TENM2: variants seen among roughly 807,000 people sequenced by gnomAD.
TENM2 encodes the protein teneurin transmembrane protein 2.
In TENM2, 52 loss-of-function variants were observed where a neutral mutation model predicts 245.2. The ratio of observed to expected loss-of-function variants is 0.21; its 90% CI spans 0.17 to 0.27. The LOEUF is 0.27. Among genes scored for constraint, TENM2 ranks in the 10% least tolerant of loss-of-function variants. The pLI is 1.00. For synonymous variants in TENM2, 1,363 were observed against 1,438.9 expected (o/e 0.95, Z 1.19); for missense variants, 3,046 against 3,666.8 (o/e 0.83, Z 4.37).
chr5:167,862,119 C>T (rs767504705), intron 2 of TENM2, among the ~76,000 whole-genome samples: 1 of 152,158 alleles, frequency 6.6e-6, no homozygotes, highest in Non-Finnish European at 1.5e-5. Context: ...AGGCAGGATG[C>T]ACTGCAGGTC....
chr5:167,986,019 C>G (rs1377731593), intron 4 of TENM2, among the ~76,000 whole-genome samples: 1 of 152,156 alleles, frequency 6.6e-6, no homozygotes, highest in Non-Finnish European at 1.5e-5. Context: ...GGTGGGGGCT[C>G]TTGTTGCATG....
chr5:168,178,267 G>A (rs185442743), intron 13 of TENM2, among the ~76,000 whole-genome samples: 9 of 152,342 alleles, frequency 5.9e-5, no homozygotes, highest in East Asian at 3.9e-4. Flanking sequence ...TGCACTGGCC[G>A]TCGGCTCAGT....
exon 14 of TENM2, chr5:168,190,531 A>G: frequency 3.7e-6 from 6 of 1,613,828 alleles, no homozygotes; most frequent in Non-Finnish European, 5.1e-6. Context: ...TCCTGGAGAG[A>G]ACCCTTTCAA....
the TENM2 span, among the ~76,000 whole-genome samples, chr5:167,145,382 CTA>C: frequency 1.3e-5 from 2 of 152,156 alleles, no homozygotes; most frequent in Non-Finnish European, 2.9e-5. Flanking sequence ...CGAGATGCCA[CTA>C]CCAGCTTCAC....
the TENM2 span, among the ~76,000 whole-genome samples, chr5:167,225,718 T>C: frequency 6.6e-6 from 1 of 152,048 alleles, no homozygotes; most frequent in Non-Finnish European, 1.5e-5. Context: ...TAAATTTTTT[T>C]GAATAGTTTG....
At chr5:167,975,855 C>T (rs1782400051) in intron 4 of TENM2, among the ~76,000 whole-genome samples, 1 of 151,250 alleles carries the variant, frequency 6.6e-6, no homozygotes, top group Admixed American at 6.6e-5. Flanking sequence ...GCAACAGTGC[C>T]CCAAACTTAA....
At chr5:167,865,280 TTTTA>T (rs1292042373) in intron 2 of TENM2, among the ~76,000 whole-genome samples, 2 of 152,136 alleles carry the variant, frequency 1.3e-5, no homozygotes, top group Non-Finnish European at 2.9e-5. Flanking sequence ...TCTCTCTCTC[TTTTA>T]TTTATTTATT....
chr5:167,318,139 C>T (rs1461549520), intron 1 of TENM2, among the ~76,000 whole-genome samples: 2 of 152,128 alleles, frequency 1.3e-5, no homozygotes, highest in Non-Finnish European at 2.9e-5. Flanking sequence ...CAGTGTAGTT[C>T]TACAGTGTAT....
intron 5 of TENM2, among the ~76,000 whole-genome samples, chr5:168,022,225 G>A (rs889343821): frequency 5.9e-5 from 9 of 152,228 alleles, no homozygotes; most frequent in African/African-American, 1.7e-4. Flanking sequence ...AAGAGCAGCC[G>A]GGAGCTCCGC....
intron 2 of TENM2, among the ~76,000 whole-genome samples, chr5:167,738,687 G>A (rs1046393374): frequency 1.3e-4 from 20 of 152,064 alleles, no homozygotes; most frequent in African/African-American, 4.6e-4. Context: ...GTCCAAGATC[G>A]AGGTGTCAGC....
the TENM2 span, among the ~76,000 whole-genome samples, chr5:167,048,001 A>G: frequency 1.3e-5 from 2 of 152,204 alleles, no homozygotes; most frequent in African/African-American, 2.4e-5. Context: ...CTTTTTGTGT[A>G]AAACATATTG....
intron 2 of TENM2, among the ~76,000 whole-genome samples, chr5:167,612,086 A>G (rs1777511608): frequency 6.6e-6 from 1 of 152,158 alleles, no homozygotes. Flanking sequence ...TCACAAAGTC[A>G]TGTGCAAGGT....
At chr5:167,220,917 C>G in the TENM2 span, among the ~76,000 whole-genome samples, 1 of 151,978 alleles carries the variant, frequency 6.6e-6, no homozygotes, top group Non-Finnish European at 1.5e-5. Flanking sequence ...ACCTCCGCCT[C>G]CTGGGTTCAA....
chr5:168,081,948 T>A (rs1015584752), intron 7 of TENM2, among the ~76,000 whole-genome samples: 15 of 152,252 alleles, frequency 9.9e-5, no homozygotes, highest in Admixed American at 6.5e-5. Context: ...TGTGGCATTC[T>A]CTTCATTTCC....
rs536459118 is a variant in TENM2 at position 167,353,032 on chromosome 5, C to T, written c.227-22166C>T. ...ATCTCAAAGCGGCGCATAACGACTCCTCGGCTTTTCATTTCATATTTATGA... is the reference window on the plus strand; with the variant it reads ...ATCTCAAAGCGGCGCATAACGACTCTTCGGCTTTTCATTTCATATTTATGA... On this transcript the variant is annotated intron_variant, in intron 1 of 28. Coordinates refer to ENST00000518659, the Ensembl canonical transcript of TENM2. 2.6e-5 allele frequency among the ~76,000 whole-genome samples: 4 copies of T among 152,220 alleles called. No homozygotes were observed. The East Asian group carries it at 5.8e-4, about 22-fold the overall frequency.
rs550516705 is a variant in TENM2, at chr5:167,668,092, G to A, written c.503-207894G>A. Among the ~76,000 whole-genome samples the A allele has an allele frequency of 2.2e-4, 34 of 152,190 alleles. No homozygotes were observed. The South Asian group carries it at 6.7e-3, about 30-fold the overall frequency. On this transcript the variant is annotated intron_variant, in intron 2 of 28. Coordinates refer to ENST00000518659, the Ensembl canonical transcript of TENM2. ...TCCCCAACAAAGAAAATATAATCTG[G>A]TGTTCTCACCTTTGAAAATCTCCTC...
chr5:167,244,519 C>T, the TENM2 span, among the ~76,000 whole-genome samples: 3 of 152,148 alleles, frequency 2.0e-5, no homozygotes, highest in African/African-American at 7.2e-5. Flanking sequence ...AGAAATATAG[C>T]TGTGTTCCTG....
intron 1 of TENM2, among the ~76,000 whole-genome samples, chr5:167,300,971 C>T (rs1159162203): frequency 2.6e-5 from 4 of 151,984 alleles, no homozygotes; most frequent in Admixed American, 6.6e-5. Context: ...GAAGCCTGGC[C>T]GTCAATACCT....
At chr5:167,514,819 T>C (rs1770208096) in intron 2 of TENM2, among the ~76,000 whole-genome samples, 1 of 152,166 alleles carries the variant, frequency 6.6e-6, no homozygotes, top group Non-Finnish European at 1.5e-5. Context: ...GAGACCAGCC[T>C]GACCAACATG....
Sources: allele counts gnomAD v4.1 joint callset (sites outside exome capture counted in the v4.1 genomes callset), GRCh38; gene constraint gnomAD v4.1.1; transcripts MANE v1.5; gene names NCBI Gene and HGNC (gene_info 2026-07-23, HGNC 2026-07-21).